RAMP3: variants seen among roughly 807,000 people sequenced by gnomAD.
RAMP3 encodes the protein receptor activity-modifying protein 3.
A neutral mutation model predicts 13.5 loss-of-function variants in RAMP3; 14 were observed. The observed-to-expected ratio is 1.04, with a 90% CI of 0.69 to 1.63. The LOEUF (loss-of-function observed/expected upper bound fraction) is 1.63. RAMP3 is among the 40% of genes most tolerant of loss of function. The pLI, the probability that RAMP3 is intolerant of heterozygous loss-of-function variation, is 0.00. For synonymous variants in RAMP3, 106 were observed against 88.3 expected, an observed-to-expected ratio of 1.20 and a Z score of -1.12; for missense variants, 200 against 204.8, an observed-to-expected ratio of 0.98 and a Z score of 0.14.
intron 2 of RAMP3, among the ~76,000 whole-genome samples, chr7:45,178,573 C>T (rs740087): frequency 0.069 from 10,565 of 152,258 alleles, 535 homozygotes; most frequent in African/African-American, 0.14. Flanking sequence ...GGGGGAACTG[C>T]TTGCTGAACC....
intron 1 of RAMP3, among the ~76,000 whole-genome samples, chr7:45,166,621 C>G (rs977295933): frequency 1.3e-5 from 2 of 152,114 alleles, no homozygotes; most frequent in Non-Finnish European, 1.5e-5. Context: ...TCTTTTCACT[C>G]TCTTGATGCT....
chr7:45,163,658 C>A (rs577863265), intron 1 of RAMP3: 1 of 985,424 alleles, frequency 1.0e-6, no homozygotes, highest in African/African-American at 1.7e-5. Flanking sequence ...AATTATTAAC[C>A]AATGGAAACA....
chr7:45,177,415 G>T lies in RAMP3; in HGVS notation c.165G>T (p.Lys55Asn). ...TGATGGGCAAGGTGGACGTCTGGAAGTGGTGCAACCTGTCCGAGTTCATCG... is the reference window on the plus strand; with the variant it reads ...TGATGGGCAAGGTGGACGTCTGGAATTGGTGCAACCTGTCCGAGTTCATCG... ...ADMMGKVDVW[K>N]WCNLSEFIVY... The change falls in exon 2 of 3, where the codon AAG (lysine) becomes AAT (asparagine). Residue 55 changes from lysine to asparagine, a missense_variant. Transcript: ENST00000242249. 6.2e-7 allele frequency: 1 copy of T among 1,614,140 alleles called. No homozygotes were observed.
chr7:45,173,058 C>T (rs1214426136), intron 1 of RAMP3, among the ~76,000 whole-genome samples: 2 of 152,214 alleles, frequency 1.3e-5, no homozygotes, highest in Non-Finnish European at 2.9e-5. Context: ...TTAGACTTCT[C>T]ATCTTGGCCT....
chr7:45,167,986 C>T (rs1329077144), intron 1 of RAMP3, among the ~76,000 whole-genome samples: 1 of 152,226 alleles, frequency 6.6e-6, no homozygotes, highest in Middle Eastern at 3.4e-3. Flanking sequence ...GGGCCAGCTG[C>T]GATTTTGATA....
chr7:45,174,987 C>A (rs905496395), intron 1 of RAMP3, among the ~76,000 whole-genome samples: 2 of 152,204 alleles, frequency 1.3e-5, no homozygotes, highest in African/African-American at 4.8e-5. Flanking sequence ...CATGTGCAGA[C>A]CCTGTGGGAC....
chr7:45,163,514 T>C, intron 1 of RAMP3: 1 of 985,318 alleles, frequency 1.0e-6, no homozygotes, highest in Non-Finnish European at 1.2e-6. Flanking sequence ...GAGGGGCAGG[T>C]GCTGCCAGCA....
chr7:45,177,748 C>T (rs980644352), intron 2 of RAMP3, among the ~76,000 whole-genome samples: 3 of 152,208 alleles, frequency 2.0e-5, no homozygotes, highest in African/African-American at 4.8e-5. Flanking sequence ...ACACCCACAG[C>T]GGGTTCCCAG....
rs912768589 is a variant in RAMP3 at position 45,183,628 on chromosome 7, C to T, written c.*216C>T. ...TATCCGCCCAAGCTCTTTGCTCATT[C>T]TAGGGCCAGTGGAGGAAAATGTGAT... is the stretch of plus-strand genomic sequence containing the variant. On this transcript the variant is annotated 3_prime_UTR_variant, in exon 3 of 3. Coordinates refer to ENST00000242249, the MANE Select transcript of RAMP3 (RefSeq NM_005856.3). 1 of 654,522 alleles carries T rather than the reference C, an allele frequency of 1.5e-6. No individual in the cohort carries two copies. The highest frequency in any genetic ancestry group is 2.6e-6 in the Non-Finnish European group (1 of 385,722). The allele number at this position is 654,522 out of a possible 1,614,324, so 40.5% of individuals were successfully genotyped here. A position where few individuals can be genotyped will look rare whatever the true frequency, so the allele number is the denominator to read the frequency against.
At chr7:45,158,724 G>A (rs1006916868) in intron 1 of RAMP3, among the ~76,000 whole-genome samples, 7 of 152,176 alleles carry the variant, frequency 4.6e-5, no homozygotes, top group Non-Finnish European at 1.0e-4. Context: ...TTCCCTGGCT[G>A]TAAGATGCAG....
rs375302277 is a variant in RAMP3 at position 45,183,112 on chromosome 7, G to A, written c.192-45G>A. Reference sequence around the variant, plus strand: ...TGGCCTCAGGTCAGGGCAGGTGTGAGGGGGGATGGCGAGAGCCTGGCTTTC... The same window carrying A: ...TGGCCTCAGGTCAGGGCAGGTGTGAAGGGGGATGGCGAGAGCCTGGCTTTC... On this transcript the variant is annotated intron_variant, in intron 2 of 2. Coordinates refer to ENST00000242249, the MANE Select transcript of RAMP3 (RefSeq NM_005856.3). 3 of 1,599,256 alleles carry A rather than the reference G, an allele frequency of 1.9e-6. No individual in the cohort carries two copies. The South Asian group carries it at 3.3e-5, about 18-fold the overall frequency.
chr7:45,172,126 G>T (rs1419903805), intron 1 of RAMP3, among the ~76,000 whole-genome samples: 1 of 152,204 alleles, frequency 6.6e-6, no homozygotes, highest in Non-Finnish European at 1.5e-5. Flanking sequence ...AGTGGGGACT[G>T]GGCGGGGCAG....
intron 1 of RAMP3, among the ~76,000 whole-genome samples, chr7:45,176,860 A>G (rs987875007): frequency 6.6e-6 from 1 of 152,152 alleles, no homozygotes; most frequent in Non-Finnish European, 1.5e-5. Flanking sequence ...GTTGGTCTTT[A>G]CTGGCCTGGA....
At chr7:45,159,969 A>G (rs1265625003) in intron 1 of RAMP3, among the ~76,000 whole-genome samples, 2 of 152,302 alleles carry the variant, frequency 1.3e-5, no homozygotes, top group Non-Finnish European at 2.9e-5. Context: ...CTGTGGTCAT[A>G]TTGATTCTAC....
chr7:45,161,249 G>C (rs1584063037), intron 1 of RAMP3, among the ~76,000 whole-genome samples: 1 of 152,070 alleles, frequency 6.6e-6, no homozygotes, highest in South Asian at 2.1e-4. Flanking sequence ...TTTTTAGATA[G>C]CTGTGCGACC....
chr7:45,181,261 A>G (rs1186979133), intron 2 of RAMP3, among the ~76,000 whole-genome samples: 1 of 152,242 alleles, frequency 6.6e-6, no homozygotes, highest in Non-Finnish European at 1.5e-5. Flanking sequence ...CCTGAGCCTG[A>G]AGCCACTGTC....
intron 2 of RAMP3, among the ~76,000 whole-genome samples, 181 bp downstream of exon 2, chr7:45,177,622 A>G (rs1415290308): frequency 2.0e-5 from 3 of 151,810 alleles, no homozygotes; most frequent in Non-Finnish European, 2.9e-5. Flanking sequence ...CAGGGCCCCA[A>G]CCACGCTCCT....
At chr7:45,169,626 G>A (rs1263902718) in intron 1 of RAMP3, among the ~76,000 whole-genome samples, 1 of 152,128 alleles carries the variant, frequency 6.6e-6, no homozygotes, top group African/African-American at 2.4e-5. Flanking sequence ...TGAACTTCTG[G>A]TGGCCCCAGG....
chr7:45,170,372 T>C (rs1435663953), intron 1 of RAMP3, among the ~76,000 whole-genome samples: 1 of 152,108 alleles, frequency 6.6e-6, no homozygotes, highest in Non-Finnish European at 1.5e-5. Flanking sequence ...GGAGTCTTGC[T>C]CTGTCACCTA....
Sources: gnomAD v4.1 joint callset for allele counts (sites outside exome capture counted in the v4.1 genomes callset) on GRCh38, gnomAD v4.1.1 for gene constraint, MANE v1.5 for transcripts, NCBI Gene and HGNC (gene_info 2026-07-23, HGNC 2026-07-21) for gene names.